PTK2B: variants seen among roughly 807,000 people sequenced by gnomAD.
The protein encoded by PTK2B is protein tyrosine kinase 2 beta.
Under a neutral mutation model 142.9 loss-of-function variants are expected in PTK2B, and 71 were observed. That is an observed-to-expected ratio of 0.50 (90% CI 0.41 to 0.61). PTK2B has a LOEUF of 0.61. Among genes scored for constraint, PTK2B ranks in the 20% least tolerant of loss-of-function variants. The probability of loss-of-function intolerance (pLI) is 0.00; values close to 1 mark genes in which losing one functional copy is unlikely to be tolerated. For synonymous variants in PTK2B, 519 were observed against 503.4 expected (o/e 1.03, Z -0.42); for missense variants, 1,105 against 1,320.4 (o/e 0.84, Z 2.53).
In PTK2B at chr8:27,433,579, C is replaced by G. The variant is rs766706795; in HGVS notation, c.1105+27C>G. The G allele has an allele frequency of 3.1e-6, 5 of 1,590,366 alleles. No homozygotes were observed. In the African/African-American group the frequency reaches 5.4e-5, roughly 17 times the overall value. Reference sequence around the variant, plus strand: ...TGGGTTCCATTTAAAGGTAAAGTGGCTGGACCACGGGTGGCAGCACACCCG... The same window carrying G: ...TGGGTTCCATTTAAAGGTAAAGTGGGTGGACCACGGGTGGCAGCACACCCG... On this transcript the variant is annotated intron_variant, in intron 11 of 30. Coordinates refer to ENST00000346049, the MANE Select transcript of PTK2B (RefSeq NM_173176.3).
chr8:27,389,822 G>A (rs34947559), intron 1 of PTK2B, among the ~76,000 whole-genome samples: 54,355 of 152,052 alleles, frequency 0.36, 10,747 homozygotes, highest in Middle Eastern at 0.5. Context: ...CTGGCCCTGC[G>A]GGAACTGAGG....
At chr8:27,400,940 G>A (rs181832640) in intron 2 of PTK2B, among the ~76,000 whole-genome samples, 583 of 152,162 alleles carry the variant, frequency 3.8e-3, no homozygotes, top group Non-Finnish European at 5.4e-3. Context: ...GAGGTCAGGC[G>A]TTCGAGACCA....
chr8:27,379,705 G>A (rs1265881231), intron 1 of PTK2B, among the ~76,000 whole-genome samples: 2 of 152,188 alleles, frequency 1.3e-5, no homozygotes, highest in South Asian at 2.1e-4. Context: ...GTTAATTTAC[G>A]AGTGAGTCTC....
At chr8:27,338,169 G>GA (rs551809597) in intron 1 of PTK2B, among the ~76,000 whole-genome samples, 4 of 151,478 alleles carry the variant, frequency 2.6e-5, no homozygotes, top group South Asian at 2.1e-4. Context: ...GTCTTCTTGG[G>GA]AAAAAAAATG....
chr8:27,333,661 A>G (rs190800839), intron 1 of PTK2B, among the ~76,000 whole-genome samples: 3 of 152,230 alleles, frequency 2.0e-5, no homozygotes, highest in Admixed American at 6.5e-5. Context: ...TGTCTTCCAT[A>G]TTCTTGATTC....
chr8:27,344,783 C>T (rs1266943047), intron 1 of PTK2B, among the ~76,000 whole-genome samples: 2 of 152,174 alleles, frequency 1.3e-5, no homozygotes, highest in African/African-American at 4.8e-5. Context: ...CCAGGACACA[C>T]AACTCAGCCC....
chr8:27,445,636 T>G (rs1317734633), intron 23 of PTK2B, among the ~76,000 whole-genome samples, 158 bp from the exon 24 acceptor site: 1 of 152,150 alleles, frequency 6.6e-6, no homozygotes, highest in East Asian at 1.9e-4. Context: ...CTCGGAGCAA[T>G]GGAAGGCCCA....
intron 1 of PTK2B, among the ~76,000 whole-genome samples, chr8:27,334,977 C>T (rs578089100): frequency 6.6e-6 from 1 of 152,324 alleles, no homozygotes; most frequent in South Asian, 2.1e-4. Context: ...TTCTCTCCTC[C>T]TCCTACTGTT....
intron 14 of PTK2B, 135 bp downstream of exon 14, chr8:27,435,928 AC>A (rs1350167021): frequency 2.6e-6 from 3 of 1,150,596 alleles, no homozygotes; most frequent in East Asian, 4.8e-5. Context: ...ACAGTGGCAA[AC>A]CTGAGATGCC....
intron 1 of PTK2B, among the ~76,000 whole-genome samples, chr8:27,332,897 A>G (rs1803844433): frequency 6.6e-6 from 1 of 152,260 alleles, no homozygotes; most frequent in Non-Finnish European, 1.5e-5. Flanking sequence ...GAGGAATTAT[A>G]TCTGTCCTCA....
chr8:27,355,434 A>G (rs559002052), intron 1 of PTK2B, among the ~76,000 whole-genome samples: 1 of 152,324 alleles, frequency 6.6e-6, no homozygotes, highest in South Asian at 2.1e-4. Context: ...AGGAGCTGGA[A>G]AAGACAAGAA....
chr8:27,379,940 C>A (rs761668064), intron 1 of PTK2B, among the ~76,000 whole-genome samples: 1 of 152,132 alleles, frequency 6.6e-6, no homozygotes, highest in African/African-American at 2.4e-5. Flanking sequence ...CGGGGTTTCA[C>A]CATGTTGCCC....
In PTK2B at chr8:27,354,995, G is replaced by A. The variant is rs368061846; in HGVS notation, c.-38+29314G>A. Among the ~76,000 whole-genome samples the A allele has an allele frequency of 3.9e-5, 6 of 152,242 alleles. 1 individual carries two copies. Among genetic ancestry groups the A allele is most frequent in the Admixed American group, 6.5e-5 (1 of 15,300 alleles). On this transcript the variant is annotated intron_variant, in intron 1 of 30. Transcript: ENST00000346049. ...AGGGAATGATGTTCTTACAGTAAAC[G>A]ACTCTTTTTGATTCTGCCTCTTAAC...
At chr8:27,346,336 A>T (rs140358287) in intron 1 of PTK2B, among the ~76,000 whole-genome samples, 2 of 152,304 alleles carry the variant, frequency 1.3e-5, no homozygotes, top group East Asian at 3.9e-4. Flanking sequence ...GGAGTTCAAG[A>T]CTAGCCTGGG....
At chr8:27,327,592 G>T (rs962878421) in intron 1 of PTK2B, among the ~76,000 whole-genome samples, 1 of 152,134 alleles carries the variant, frequency 6.6e-6, no homozygotes, top group African/African-American at 2.4e-5. Context: ...AACTGCCCAG[G>T]CACTCTGAGA....
chr8:27,454,575 TCTC>T lies in PTK2B; in HGVS notation c.2781_2783del (p.Leu928del). On this transcript the variant is annotated inframe_deletion, in exon 30 of 31. Transcript: ENST00000346049. ...GGAAGCTCATCGGGAGCGTGGATGA[TCTC>T]CTGCCTTCCTTGCCGTCATCTTCAC... 2 of 1,614,166 alleles carry T rather than the reference TCTC, an allele frequency of 1.2e-6. No homozygotes were observed. Among genetic ancestry groups the T allele is most frequent in the Non-Finnish European group, 1.7e-6 (2 of 1,180,018 alleles).
At chr8:27,319,653 A>G (rs1803168002) in intron 3 of PTK2B, among the ~76,000 whole-genome samples, 1 of 151,562 alleles carries the variant, frequency 6.6e-6, no homozygotes, top group African/African-American at 2.4e-5. Flanking sequence ...CAAAAAAAAA[A>G]AAAAAAAAAA....
intron 1 of PTK2B, among the ~76,000 whole-genome samples, chr8:27,396,553 T>C (rs772318892): frequency 6.6e-5 from 10 of 152,322 alleles, no homozygotes; most frequent in Non-Finnish European, 1.5e-4. Context: ...TTGACAGCAG[T>C]GTCTGAGGTT....
Position 27,430,167 on chromosome 8 carries a change from G to A in PTK2B, c.614+12G>A. ...TTCGAGCTCCTAGAGTAAGTTCTGG[G>A]ATCACCCATCTCCCCTCCCTTCCTG... On this transcript the variant is annotated intron_variant, in intron 6 of 30. Transcript: ENST00000346049. 1 of 1,609,916 alleles carries A rather than the reference G, an allele frequency of 6.2e-7. No homozygotes were observed. Among genetic ancestry groups the A allele is most frequent in the Non-Finnish European group, 8.5e-7 (1 of 1,176,284 alleles).
Sources: allele counts gnomAD v4.1 joint callset (sites outside exome capture counted in the v4.1 genomes callset), GRCh38; gene constraint gnomAD v4.1.1; transcripts MANE v1.5; gene names NCBI Gene and HGNC (gene_info 2026-07-23, HGNC 2026-07-21).